Variants in CPT1A observed in about 807,000 individuals in gnomAD.
The protein encoded by CPT1A is carnitine palmitoyltransferase 1A, also known as carnitine O-palmitoyltransferase 1, liver isoform.
CPT1A carries 64 observed loss-of-function variants against 100.8 expected under a neutral mutation model. The ratio of observed to expected loss-of-function variants is 0.63; its 90% CI spans 0.52 to 0.78. The LOEUF (loss-of-function observed/expected upper bound fraction) is 0.78. CPT1A is among the 30% of genes least tolerant of loss of function. The pLI is 0.00. For synonymous variants in CPT1A, 363 were observed against 396.0 expected, an observed-to-expected ratio of 0.92 and a Z score of 0.99; for missense variants, 802 against 1,034.1, an observed-to-expected ratio of 0.78 and a Z score of 3.08.
chr11:68,757,858 C>G, intron 18 of CPT1A, 128 bp from the exon 19 acceptor site: 1 of 794,612 alleles, frequency 1.3e-6, no homozygotes, highest in South Asian at 1.4e-5. Flanking sequence ...TAAGATCTGA[C>G]CAACGTCTTA....
rs148396344 is a variant in CPT1A, at chr11:68,817,153, C to CTG, written c.-13-1668_-13-1667dup. Among the ~76,000 whole-genome samples the CTG allele has an allele frequency of 8.7e-4, 81 of 93,472 alleles. 1 individual carries two copies. The highest frequency in any genetic ancestry group is 4.5e-3 in the Admixed American group (40 of 8,936). 61.3% of individuals were successfully genotyped at this position (93,472 alleles called of 152,430 possible). A position where few individuals can be genotyped will look rare whatever the true frequency, so the allele number is the denominator to read the frequency against. ...TGTGGTTGTGTGGGGGTGTGTGTGT[C>CTG]TGTGTGTGTGTGTGTGGTGTGTGTG... is the stretch of plus-strand genomic sequence containing the variant. On this transcript the variant is annotated intron_variant, in intron 1 of 18. Transcript: ENST00000265641.
chr11:68,810,191 AG>A (rs5792451), intron 3 of CPT1A, among the ~76,000 whole-genome samples: 19,560 of 151,830 alleles, frequency 0.13, 3,182 homozygotes, highest in African/African-American at 0.39. Context: ...AAGAAAAAAA[AG>A]AAGATATTCA....
At chr11:68,776,771 C>T (rs993993371) in intron 12 of CPT1A, among the ~76,000 whole-genome samples, 2 of 152,148 alleles carry the variant, frequency 1.3e-5, no homozygotes, top group Non-Finnish European at 2.9e-5. Context: ...CCCAGCTACT[C>T]GGGAGGCTAA....
At chr11:68,820,499 A>G (rs886422032) in intron 1 of CPT1A, among the ~76,000 whole-genome samples, 3 of 151,906 alleles carry the variant, frequency 2.0e-5, no homozygotes, top group Non-Finnish European at 2.9e-5. Flanking sequence ...CCTGGCCAAC[A>G]TGGCGAAACC....
chr11:68,815,363 A>T lies in CPT1A; in HGVS notation c.112T>A (p.Ser38Thr). 6.2e-7 allele frequency: 1 copy of T among 1,614,176 alleles called. No homozygotes were observed. Among genetic ancestry groups the T allele is most frequent in the Non-Finnish European group, 8.5e-7 (1 of 1,180,020 alleles). ...LRQIYLSGLH[S>T]WKKKFIRFKN... Reference sequence around the variant, plus strand: ...AATCTGATGAACTTCTTTTTCCAGGAATGAAGTCCAGAGAGATAGATTTGT... The same window carrying T: ...AATCTGATGAACTTCTTTTTCCAGGTATGAAGTCCAGAGAGATAGATTTGT... Residue 38 changes from serine (S) to threonine (T), a missense_variant, in exon 2 of 19, where the codon TCC becomes ACC. Ser to Thr is a moderately conservative substitution (Grantham distance 58). Around this residue, in one of 4 missense-constraint regions of CPT1A, gnomAD observed 161 missense variants for 183.7 expected, o/e 0.88. Transcript: ENST00000265641.
chr11:68,791,599 CA>C (rs1855614570), intron 9 of CPT1A, among the ~76,000 whole-genome samples: 1 of 152,072 alleles, frequency 6.6e-6, no homozygotes, highest in African/African-American at 2.4e-5. Flanking sequence ...TGCAGTGGCA[CA>C]ATCTCAGTTC....
At chr11:68,838,205 CA>C (rs1857058951) in intron 1 of CPT1A, among the ~76,000 whole-genome samples, 1 of 152,028 alleles carries the variant, frequency 6.6e-6, no homozygotes, top group Non-Finnish European at 1.5e-5. Flanking sequence ...CCTCACTCAG[CA>C]GCATGATTTC....
At chr11:68,786,678 G>A (rs1855472475) in intron 9 of CPT1A, among the ~76,000 whole-genome samples, 1 of 152,176 alleles carries the variant, frequency 6.6e-6, no homozygotes, top group South Asian at 2.1e-4. Context: ...ACAGGCACCT[G>A]CCACCACACC....
intron 2 of CPT1A, among the ~76,000 whole-genome samples, chr11:68,814,093 C>CG (rs893016440): frequency 1.3e-3 from 196 of 150,704 alleles, no homozygotes; most frequent in Admixed American, 3.1e-3. Context: ...GGGGGGTCAG[C>CG]GGGGGGGGAT....
chr11:68,754,982 G>A lies in CPT1A; in HGVS notation c.*2662C>T, dbSNP rs571670004. On this transcript the variant is annotated 3_prime_UTR_variant, in exon 19 of 19. Coordinates refer to ENST00000265641, the MANE Select transcript of CPT1A (RefSeq NM_001876.4). ...AGAGCATACTGTATTTACATGCACC[G>A]GTCAGCCCAAGATAACAAATTCAAA... is the stretch of plus-strand genomic sequence containing the variant. 92 of 661,524 alleles carry A rather than the reference G, an allele frequency of 1.4e-4. 1 individual carries two copies. The highest frequency in any genetic ancestry group is 1.3e-3 in the South Asian group (76 of 58,494). The allele number at this position is 661,524 out of a possible 1,614,324, so 41.0% of individuals were successfully genotyped here. A position where few individuals can be genotyped will look rare whatever the true frequency, so the allele number is the denominator to read the frequency against.
intron 4 of CPT1A, among the ~76,000 whole-genome samples, chr11:68,805,325 C>T (rs1400707574): frequency 6.6e-6 from 1 of 151,972 alleles, no homozygotes; most frequent in African/African-American, 2.4e-5. Context: ...GTGGTGTGTG[C>T]CTGTGGTCCC....
At chr11:68,762,500 G>T in intron 15 of CPT1A, 127 bp downstream of exon 15, 1 of 1,223,170 alleles carries the variant, frequency 8.2e-7, no homozygotes, top group Non-Finnish European at 1.2e-6. Context: ...GAAAGAAGCT[G>T]AATTGAGCAC....
At position 68,772,141 on chromosome 11, in the gene CPT1A, C is replaced by T. The variant is rs563658205; in HGVS notation, c.1740+1124G>A. 6.0e-4 allele frequency among the ~76,000 whole-genome samples: 91 copies of T among 152,306 alleles called. 2 individuals carry two copies. The South Asian group carries it at 0.018, about 31-fold the overall frequency. On this transcript the variant is annotated intron_variant, in intron 14 of 18. Transcript: ENST00000265641. ...CCAAGGCGGGTGGATCACCTGAAGC[C>T]AGGAGCTCGAGACCAGCCTGCTCAA...
chr11:68,784,365 A>T (rs1855393813), intron 10 of CPT1A, among the ~76,000 whole-genome samples: 1 of 152,202 alleles, frequency 6.6e-6, no homozygotes, highest in Non-Finnish European at 1.5e-5. Flanking sequence ...GTTTGAGACC[A>T]GCCTGGCCAA....
At chr11:68,764,192 A>G (rs957216124) in intron 14 of CPT1A, among the ~76,000 whole-genome samples, 1 of 152,224 alleles carries the variant, frequency 6.6e-6, no homozygotes, top group African/African-American at 2.4e-5. Flanking sequence ...GAGGAACAGC[A>G]TCTGCGTGCT....
In CPT1A at chr11:68,775,337, C is replaced by T; in HGVS notation, c.1554G>A (p.Leu518=). The T allele has an allele frequency of 6.2e-7, 1 of 1,613,806 alleles. No homozygotes were observed. The highest frequency in any genetic ancestry group is 8.5e-7 in the Non-Finnish European group (1 of 1,179,656). The change falls in exon 13 of 19, where the codon CTG becomes CTA. Residue 518 remains leucine (L), a synonymous_variant. Coordinates refer to ENST00000265641, the MANE Select transcript of CPT1A (RefSeq NM_001876.4). ...INPNIPYPTR[L]QWDIPGECQE... The stretch of plus-strand genomic sequence containing the variant: ...TTACTTCCCCCGGGATGTCCCACTG[C>T]AGCCTGGTGGGGTACGGAATGTTCG...
Position 68,760,319 on chromosome 11 carries a change from C to A in CPT1A, c.2048G>T (p.Arg683Ile). 1 of 1,611,690 alleles carries A rather than the reference C, an allele frequency of 6.2e-7. No homozygotes were observed. The highest frequency in any genetic ancestry group is 8.5e-7 in the Non-Finnish European group (1 of 1,178,978). The part of the protein sequence containing the change: ...FLKEVLSEPW[R>I]LSTSQTPQQQ... ...CTGAGGGGTCTGGCTTGTTGATAAT[C>A]TCCAAGGCTCAGATAAAACCTATTG... Residue 683 changes from arginine to isoleucine, a missense_variant, in exon 17 of 19, where the codon AGA (arginine) becomes ATA (isoleucine). By Grantham distance (97) the Arg-to-Ile change is moderately conservative. Around this residue, in one of 4 missense-constraint regions of CPT1A, gnomAD observed 627 missense variants for 799.3 expected, o/e 0.78. Coordinates refer to ENST00000265641, the MANE Select transcript of CPT1A (RefSeq NM_001876.4).
intron 14 of CPT1A, among the ~76,000 whole-genome samples, chr11:68,766,406 C>A (rs1010575467): frequency 7.2e-5 from 11 of 152,142 alleles, no homozygotes; most frequent in Admixed American, 7.2e-4. Context: ...GGGTTGAGAT[C>A]GGTCTGAATG....
intron 12 of CPT1A, among the ~76,000 whole-genome samples, chr11:68,778,117 A>G (rs1048671963): frequency 6.6e-6 from 1 of 151,614 alleles, no homozygotes; most frequent in Non-Finnish European, 1.5e-5. Context: ...TTTTTCCTAC[A>G]TAGAAAACCT....
Sources: allele counts gnomAD v4.1 joint callset (sites outside exome capture counted in the v4.1 genomes callset), GRCh38; gene constraint gnomAD v4.1.1; regional missense constraint gnomAD v4.1.1; transcripts MANE v1.5; gene names NCBI Gene and HGNC (gene_info 2026-07-23, HGNC 2026-07-21).